The following LRBA variants were observed in gnomAD, a reference collection of about 807,000 sequenced individuals.
LRBA encodes the protein lipopolysaccharide-responsive and beige-like anchor protein.
Under a neutral mutation model 330.0 loss-of-function variants are expected in LRBA, and 176 were observed. The observed-to-expected ratio is 0.53, with a 90% CI of 0.47 to 0.60. The LOEUF is 0.60. LRBA is among the 20% of genes least tolerant of loss of function. The pLI, the probability that LRBA is intolerant of heterozygous loss-of-function variation, is 0.00. For missense variants in LRBA, 3,259 were observed against 3,444.8 expected, an observed-to-expected ratio of 0.95 and a Z score of 1.35; for synonymous variants, 1,230 against 1,193.0, an observed-to-expected ratio of 1.03 and a Z score of -0.64.
At chr4:150,879,625 T>G (rs1199868991) in intron 17 of LRBA, among the ~76,000 whole-genome samples, 1 of 152,022 alleles carries the variant, frequency 6.6e-6, no homozygotes, top group East Asian at 1.9e-4. Context: ...CCCTAAAGAC[T>G]CCTCCAAAAG....
intron 40 of LRBA, among the ~76,000 whole-genome samples, chr4:150,553,687 G>T (rs1293037886): frequency 1.3e-5 from 2 of 152,092 alleles, no homozygotes; most frequent in Non-Finnish European, 2.9e-5. Flanking sequence ...ACAGATGGGG[G>T]GTAGAAGGAG....
At chr4:150,802,614 G>A (rs1741829806) in intron 33 of LRBA, among the ~76,000 whole-genome samples, 1 of 151,992 alleles carries the variant, frequency 6.6e-6, no homozygotes, top group Admixed American at 6.6e-5. Context: ...GAAAAAGAGG[G>A]TTAATTAACA....
At chr4:150,754,965 A>G (rs1438033707) in intron 35 of LRBA, among the ~76,000 whole-genome samples, 2 of 152,206 alleles carry the variant, frequency 1.3e-5, no homozygotes, top group African/African-American at 4.8e-5. Context: ...TACGTGCAAT[A>G]AATACCTTTG....
At chr4:150,511,409 TTA>T (rs1460369687) in intron 40 of LRBA, among the ~76,000 whole-genome samples, 2 of 152,230 alleles carry the variant, frequency 1.3e-5, no homozygotes, top group South Asian at 4.1e-4. Flanking sequence ...GAAGAGGTTC[TTA>T]TCATCTTTTA....
chr4:150,281,667 C>G (rs1433382268), intron 55 of LRBA, among the ~76,000 whole-genome samples: 1 of 152,196 alleles, frequency 6.6e-6, no homozygotes, highest in Non-Finnish European at 1.5e-5. Context: ...TCATTGTATA[C>G]AGCTCACATG....
At chr4:150,360,754 C>T (rs867811632) in intron 47 of LRBA, among the ~76,000 whole-genome samples, 1 of 152,194 alleles carries the variant, frequency 6.6e-6, no homozygotes, top group South Asian at 2.1e-4. Context: ...TGAAGAATGG[C>T]TACACCTTAG....
chr4:151,001,460 G>A (rs1449523934), intron 2 of LRBA, among the ~76,000 whole-genome samples: 1 of 152,078 alleles, frequency 6.6e-6, no homozygotes, highest in Non-Finnish European at 1.5e-5. Flanking sequence ...GCCAAAGCGT[G>A]CAGACTAGGG....
At chr4:150,855,148 C>T (rs1751075295) in intron 22 of LRBA, among the ~76,000 whole-genome samples, 1 of 152,188 alleles carries the variant, frequency 6.6e-6, no homozygotes, top group South Asian at 2.1e-4. Flanking sequence ...ATCCCAGCTA[C>T]TCAGGAAGCT....
intron 40 of LRBA, chr4:150,581,981 G>A (rs1771418569): frequency 7.1e-6 from 1 of 140,404 alleles, no homozygotes; most frequent in Admixed American, 7.5e-5. Flanking sequence ...TTAGAGGAAA[G>A]AAGAGAGAGC....
intron 37 of LRBA, among the ~76,000 whole-genome samples, chr4:150,610,705 T>C (rs1428120430): frequency 6.6e-6 from 1 of 152,114 alleles, no homozygotes; most frequent in African/African-American, 2.4e-5. Flanking sequence ...GGAAAATGAG[T>C]AGGCTAGTAA....
At chr4:150,835,846 A>C (rs955317931) in intron 28 of LRBA, among the ~76,000 whole-genome samples, 32 of 152,132 alleles carry the variant, frequency 2.1e-4, no homozygotes, top group Non-Finnish European at 2.5e-4. Context: ...ATGTTGAATA[A>C]GAGTGGTGAG....
At chr4:150,348,221 T>G (rs1250825698) in intron 48 of LRBA, among the ~76,000 whole-genome samples, 4 of 152,074 alleles carry the variant, frequency 2.6e-5, no homozygotes, top group Non-Finnish European at 5.9e-5. Flanking sequence ...GCACATAGAG[T>G]GACTCATAGA....
chr4:150,775,442 T>C (rs1279779966), intron 34 of LRBA, among the ~76,000 whole-genome samples: 1 of 140,386 alleles, frequency 7.1e-6, no homozygotes, highest in Non-Finnish European at 1.5e-5. Flanking sequence ...TAAAAGGAAG[T>C]CTGCAATGGA....
rs538835623 is a variant in LRBA, at chr4:150,699,906, A to G, written c.5755-16189T>C. 1.1e-4 allele frequency among the ~76,000 whole-genome samples: 17 copies of G among 152,268 alleles called. No individual in the cohort carries two copies. The South Asian group carries it at 3.5e-3, about 32-fold the overall frequency. ...ACTTGAATACTTGTCAGTTGGTTAT[A>G]CTGGTAGAGGTTGAGTATCCCTTAT... On this transcript the variant is annotated intron_variant, in intron 36 of 56. Transcript: ENST00000651943.
At chr4:150,836,507 A>C (rs1454264864) in intron 28 of LRBA, among the ~76,000 whole-genome samples, 1 of 152,078 alleles carries the variant, frequency 6.6e-6, no homozygotes, top group Non-Finnish European at 1.5e-5. Flanking sequence ...CAGGGATTCA[A>C]CTTCTTCCTG....
rs1013496786 is a variant in LRBA at position 150,936,075 on chromosome 4, C to CA, written c.217-7011dup. Reference sequence around the variant, plus strand: ...AAAAAAAAAATCCAAATGACACTTGCAAAAAAAAAATACTAAATGAATTTA... The same window carrying CA: ...AAAAAAAAAATCCAAATGACACTTGCAAAAAAAAAAATACTAAATGAATTTA... On this transcript the variant is annotated intron_variant, in intron 2 of 56. Transcript: ENST00000651943. Among the ~76,000 whole-genome samples, 653 of 145,578 alleles carry CA rather than the reference C, an allele frequency of 4.5e-3. 4 individuals are homozygous for CA. Among genetic ancestry groups the CA allele is most frequent in the African/African-American group, 0.015 (577 of 39,766 alleles).
chr4:150,664,284 A>T (rs1456441568), intron 37 of LRBA, among the ~76,000 whole-genome samples: 3 of 152,224 alleles, frequency 2.0e-5, no homozygotes, highest in Non-Finnish European at 2.9e-5. Context: ...GTATAGATAT[A>T]GATCATATAA....
At chr4:150,810,445 A>G (rs1389127445) in intron 31 of LRBA, among the ~76,000 whole-genome samples, 2 of 151,836 alleles carry the variant, frequency 1.3e-5, no homozygotes, top group African/African-American at 4.8e-5. Context: ...ATATACCGGA[A>G]GTTTTGTATT....
At chr4:150,893,534 G>A (rs1729715047) in intron 16 of LRBA, among the ~76,000 whole-genome samples, 2 of 152,062 alleles carry the variant, frequency 1.3e-5, no homozygotes, top group South Asian at 4.1e-4. Flanking sequence ...ATTTTTGGTA[G>A]AGACAAGGTT....
Sources: allele counts gnomAD v4.1 joint callset (sites outside exome capture counted in the v4.1 genomes callset), GRCh38; gene constraint gnomAD v4.1.1; transcripts MANE v1.5; gene names NCBI Gene and HGNC (gene_info 2026-07-23, HGNC 2026-07-21).